NR3C1: variants seen among roughly 807,000 people sequenced by gnomAD.
The protein encoded by NR3C1 is glucocorticoid receptor.
A neutral mutation model predicts 74.0 loss-of-function variants in NR3C1; 14 were observed. The observed-to-expected ratio is 0.19, with a 90% confidence interval of 0.12 to 0.30. NR3C1 has a LOEUF of 0.30. NR3C1 is among the 10% of genes least tolerant of loss of function. The pLI, the probability that NR3C1 is intolerant of heterozygous loss-of-function variation, is 1.00. For synonymous variants in NR3C1, 308 were observed against 332.5 expected (o/e 0.93, Z 0.80); for missense variants, 695 against 909.8 (o/e 0.76, Z 3.04).
Position 143,298,876 on chromosome 5 carries a change from C to T in NR3C1, c.1748-64G>A, listed in dbSNP as rs1599758156. On this transcript the variant is annotated intron_variant, in intron 5 of 8. Transcript: ENST00000394464. ...CAGAAGATCATCTCTGTGGGAATTG[C>T]CAAGGAGCAATGAGATCAATTAGCC... The T allele has an allele frequency of 9.6e-6, 15 of 1,564,488 alleles. No homozygotes were observed. In the East Asian group the frequency reaches 3.2e-4, roughly 33 times the overall value.
At chr5:143,392,232 T>C (rs1420395083) in intron 2 of NR3C1, among the ~76,000 whole-genome samples, 1 of 152,218 alleles carries the variant, frequency 6.6e-6, no homozygotes, top group East Asian at 1.9e-4. Flanking sequence ...CCCAAAGTGC[T>C]GGGATTACAG....
intron 2 of NR3C1, among the ~76,000 whole-genome samples, chr5:143,369,014 C>A (rs574932497): frequency 9.9e-5 from 15 of 152,178 alleles, no homozygotes; most frequent in African/African-American, 3.4e-4. Context: ...AGTGATAACC[C>A]ATTAGTACAT....
At chr5:143,347,335 C>T (rs928303470) in intron 2 of NR3C1, among the ~76,000 whole-genome samples, 173 of 152,138 alleles carry the variant, frequency 1.1e-3, no homozygotes, top group Non-Finnish European at 1.9e-4. Flanking sequence ...GAAACACACA[C>T]AGACACACAC....
intron 2 of NR3C1, among the ~76,000 whole-genome samples, chr5:143,324,903 C>A (rs1046700536): frequency 3.9e-5 from 6 of 152,152 alleles, no homozygotes; most frequent in Non-Finnish European, 7.4e-5. Flanking sequence ...AACATAGTAA[C>A]CTTTGCTCCA....
chr5:143,294,843 T>C (rs1816814205), intron 7 of NR3C1: 4 of 798,118 alleles, frequency 5.0e-6, no homozygotes, highest in Non-Finnish European at 6.1e-6. Flanking sequence ...TCCTCAATAG[T>C]ATTCCATCAT....
chr5:143,429,068 C>T (rs1360030404), intron 1 of NR3C1, among the ~76,000 whole-genome samples: 2 of 152,302 alleles, frequency 1.3e-5, no homozygotes, highest in African/African-American at 2.4e-5. Flanking sequence ...ACTTCTAAAC[C>T]ATTTCACATT....
intron 2 of NR3C1, among the ~76,000 whole-genome samples, chr5:143,369,623 TA>T (rs1833909896): frequency 6.6e-6 from 1 of 152,204 alleles, no homozygotes; most frequent in South Asian, 2.1e-4. Context: ...TGATTCTATT[TA>T]TACGAAATGT....
At chr5:143,352,866 C>T (rs1830472471) in intron 2 of NR3C1, among the ~76,000 whole-genome samples, 1 of 152,120 alleles carries the variant, frequency 6.6e-6, no homozygotes. Flanking sequence ...GGTGGGGTGG[C>T]TGTGGCAATT....
In NR3C1 at chr5:143,300,922, C is replaced by CTT. The variant is rs987338118; in HGVS notation, c.1469-161_1469-160dup. On this transcript the variant is annotated intron_variant, in intron 4 of 8. Coordinates refer to ENST00000394464, the MANE Select transcript of NR3C1 (RefSeq NM_000176.3). The surrounding 1 kb of genome is among the most constrained non-coding windows in gnomAD (Gnocchi z 5.2). Reference sequence around the variant, plus strand: ...AAGTGACATGGAAAAGGAGAAAAAACTTTTTTTTTTCTGAAAGCAAAAGAT... The same window carrying CTT: ...AAGTGACATGGAAAAGGAGAAAAAACTTTTTTTTTTTTCTGAAAGCAAAAGAT... 6.7e-6 allele frequency among the ~76,000 whole-genome samples: 1 copy of CTT among 149,550 alleles called. No individual in the cohort carries two copies. The highest frequency in any genetic ancestry group is 6.7e-5 in the Admixed American group (1 of 14,972).
chr5:143,296,369 C>G (rs182861878), intron 6 of NR3C1, among the ~76,000 whole-genome samples: 1 of 149,388 alleles, frequency 6.7e-6, no homozygotes, highest in East Asian at 1.9e-4. Flanking sequence ...GTGGTTTATT[C>G]CTTTATATAA....
chr5:143,316,019 G>A (rs146075802), intron 2 of NR3C1, among the ~76,000 whole-genome samples: 47 of 152,286 alleles, frequency 3.1e-4, no homozygotes, highest in Middle Eastern at 3.4e-3. Context: ...AGATGCTTCC[G>A]TATTACAAGG....
In NR3C1 at chr5:143,279,505, A is replaced by G; in HGVS notation, c.*2384T>C. 1 of 1,298,670 alleles carries G rather than the reference A, an allele frequency of 7.7e-7. No individual in the cohort carries two copies. Among genetic ancestry groups the G allele is most frequent in the East Asian group, 2.9e-5 (1 of 34,400 alleles). 80.4% of individuals were successfully genotyped at this position (1,298,670 alleles called of 1,614,324 possible). A position where few individuals can be genotyped will look rare whatever the true frequency, so the allele number is the denominator to read the frequency against. ...ATTCAAGCAGTTTTCTTAGGCACCA[A>G]AAATTTATCCAGCCGGGTTACACAC... is the stretch of plus-strand genomic sequence containing the variant. On this transcript the variant is annotated 3_prime_UTR_variant, in exon 9 of 9. Coordinates refer to ENST00000394464, the MANE Select transcript of NR3C1 (RefSeq NM_000176.3).
In NR3C1 at chr5:143,279,128, T is replaced by C; in HGVS notation, c.*2761A>G. ...AGATAACACATACATAGGAAATAAA[T>C]CTGCTTTCAAACAGCACCACCATAT... is the stretch of plus-strand genomic sequence containing the variant. On this transcript the variant is annotated 3_prime_UTR_variant, in exon 9 of 9. Transcript: ENST00000394464. 1 of 500,048 alleles carries C rather than the reference T, an allele frequency of 2.0e-6. No individual in the cohort carries two copies. Among genetic ancestry groups the C allele is most frequent in the Non-Finnish European group, 3.4e-6 (1 of 291,492 alleles). The allele number at this position is 500,048 out of a possible 1,614,324, so 31.0% of individuals were successfully genotyped here. A position where few individuals can be genotyped will look rare whatever the true frequency, so the allele number is the denominator to read the frequency against.
At chr5:143,282,092 A>T in intron 8 of NR3C1, 51 bp from the exon 9 acceptor site, 2 of 1,600,456 alleles carry the variant, frequency 1.2e-6, no homozygotes, top group East Asian at 2.2e-5. Flanking sequence ...GTCAGTGGGA[A>T]CATCTCATGT....
intron 2 of NR3C1, among the ~76,000 whole-genome samples, chr5:143,333,638 C>T (rs1437902378): frequency 6.6e-6 from 1 of 152,106 alleles, no homozygotes; most frequent in African/African-American, 2.4e-5. Flanking sequence ...TGTGGTGGCA[C>T]GTGCCTGTAG....
chr5:143,332,808 C>A, intron 2 of NR3C1: 1 of 1,496,396 alleles, frequency 6.7e-7, no homozygotes, highest in Non-Finnish European at 9.2e-7. Context: ...TTTACGGGTG[C>A]AGAGAACCAC....
chr5:143,307,846 G>C (rs1348030817), intron 4 of NR3C1, among the ~76,000 whole-genome samples: 1 of 152,112 alleles, frequency 6.6e-6, no homozygotes. Flanking sequence ...TAAGAAAGTG[G>C]GGAATACTGT....
At chr5:143,325,344 A>G (rs1824349561) in intron 2 of NR3C1, among the ~76,000 whole-genome samples, 1 of 152,212 alleles carries the variant, frequency 6.6e-6, no homozygotes, top group South Asian at 2.1e-4. Context: ...ATCATGTGAG[A>G]CTTATTAACT....
At chr5:143,288,378 C>T (rs899523231) in intron 7 of NR3C1, among the ~76,000 whole-genome samples, 2 of 152,078 alleles carry the variant, frequency 1.3e-5, no homozygotes, top group African/African-American at 4.8e-5. Flanking sequence ...CTCGGCCTCC[C>T]AACGTGCTGG....
Sources: gnomAD v4.1 joint callset for allele counts (sites outside exome capture counted in the v4.1 genomes callset) on GRCh38, gnomAD v4.1.1 for gene constraint, Gnocchi (gnomAD v3.1) non-coding constraint, MANE v1.5 for transcripts, NCBI Gene and HGNC (gene_info 2026-07-23, HGNC 2026-07-21) for gene names.